MYO9A: variants seen among roughly 807,000 people sequenced by gnomAD.
MYO9A encodes myosin IXA.
A neutral mutation model predicts 293.3 loss-of-function variants in MYO9A; 103 were observed. That is an observed-to-expected ratio of 0.35 (90% confidence interval 0.30 to 0.41). The LOEUF (loss-of-function observed/expected upper bound fraction) is 0.41. MYO9A is among the 10% of genes least tolerant of loss of function. The pLI is 1.00. For synonymous variants in MYO9A, 1,001 were observed against 1,035.7 expected (o/e 0.97, Z 0.64); for missense variants, 2,685 against 3,033.0 (o/e 0.89, Z 2.69).
rs1416208958 is a variant in MYO9A at position 72,010,241 on chromosome 15, T to C, written c.1253+109A>G. The C allele has an allele frequency of 3.9e-6, 3 of 776,958 alleles. No homozygotes were observed. In the African/African-American group the frequency reaches 5.2e-5, roughly 14 times the overall value. 48.1% of individuals were successfully genotyped at this position (776,958 alleles called of 1,614,324 possible). ...TGCTCGAGATGGATGAGGTACTAGA[T>C]GAAGAATACCACTTAGAAAACTATT... On this transcript the variant is annotated intron_variant, in intron 7 of 41. Coordinates refer to ENST00000356056, the MANE Select transcript of MYO9A (RefSeq NM_006901.4).
chr15:71,850,321 T>C (rs1408247462), intron 37 of MYO9A, among the ~76,000 whole-genome samples, 154 bp from the exon 38 acceptor site: 1 of 152,160 alleles, frequency 6.6e-6, no homozygotes, highest in Non-Finnish European at 1.5e-5. Flanking sequence ...TCTGCAGACT[T>C]TTCCCAAGTT....
chr15:71,846,592 A>G (rs932097762), intron 39 of MYO9A, among the ~76,000 whole-genome samples: 12 of 152,212 alleles, frequency 7.9e-5, no homozygotes, highest in African/African-American at 2.4e-4. Flanking sequence ...AAGGTAACTG[A>G]TATCTAATGG....
chr15:71,956,330 A>ATATATATATATATATATATATATAT (rs1555490831), intron 14 of MYO9A, among the ~76,000 whole-genome samples: 6 of 75,580 alleles, frequency 7.9e-5, no homozygotes, highest in South Asian at 9.8e-4. Flanking sequence ...AAAAAAAAAA[A>ATATATATATATATATATATATATAT]ATATATATAT....
intron 10 of MYO9A, among the ~76,000 whole-genome samples, chr15:71,992,245 A>C (rs1009330614): frequency 1.3e-5 from 2 of 152,212 alleles, no homozygotes; most frequent in African/African-American, 4.8e-5. Context: ...ATAAATGCTT[A>C]TATTCTTCTA....
chr15:71,997,759 A>C (rs2076740341), intron 9 of MYO9A, among the ~76,000 whole-genome samples: 1 of 152,146 alleles, frequency 6.6e-6, no homozygotes, highest in Non-Finnish European at 1.5e-5. Context: ...GCAAATCAAA[A>C]CCACAATGAG....
At chr15:71,949,064 G>A (rs1160203647) in intron 15 of MYO9A, among the ~76,000 whole-genome samples, 1 of 151,970 alleles carries the variant, frequency 6.6e-6, no homozygotes, top group East Asian at 1.9e-4. Flanking sequence ...TATTTAATAT[G>A]TGTATCTTTT....
At chr15:72,045,315 G>A in intron 2 of MYO9A, 1 of 153,224 alleles carries the variant, frequency 6.5e-6, no homozygotes, top group Middle Eastern at 3.4e-3. Context: ...CCAGGCTAGA[G>A]TGCAATGGCA....
chr15:71,903,768 AGTAAATAC>A (rs1190895507), intron 21 of MYO9A, among the ~76,000 whole-genome samples, 153 bp downstream of exon 21: 1 of 152,256 alleles, frequency 6.6e-6, no homozygotes, highest in Non-Finnish European at 1.5e-5. Flanking sequence ...ATTCAATCAA[AGTAAATAC>A]TGTCTATCCC....
chr15:71,902,845 T>A, intron 22 of MYO9A, 96 bp downstream of exon 22: 1 of 988,106 alleles, frequency 1.0e-6, no homozygotes, highest in Non-Finnish European at 1.4e-6. Context: ...GATATCTGAT[T>A]CACTATCTTT....
intron 18 of MYO9A, among the ~76,000 whole-genome samples, chr15:71,931,889 T>C (rs949250999): frequency 7.2e-5 from 11 of 152,134 alleles, no homozygotes; most frequent in African/African-American, 1.9e-4. Context: ...TCTCAAACCT[T>C]TGTGTTTGTC....
At chr15:72,065,851 A>G (rs930665491) in intron 1 of MYO9A, among the ~76,000 whole-genome samples, 1 of 152,214 alleles carries the variant, frequency 6.6e-6, no homozygotes, top group Non-Finnish European at 1.5e-5. Context: ...ATAAAATTCA[A>G]CATCTGTAGT....
chr15:72,023,709 A>G (rs192573407), intron 4 of MYO9A, among the ~76,000 whole-genome samples: 2,202 of 151,144 alleles, frequency 0.015, 53 homozygotes, highest in African/African-American at 0.05. Flanking sequence ...AAAAAAAAAA[A>G]AAAAGAAAAG....
chr15:71,912,534 G>A (rs144654877), intron 19 of MYO9A, among the ~76,000 whole-genome samples: 2,376 of 152,306 alleles, frequency 0.016, 33 homozygotes, highest in Non-Finnish European at 0.025. Flanking sequence ...GGGATTGCAG[G>A]TGTGAGCCAC....
intron 1 of MYO9A, among the ~76,000 whole-genome samples, chr15:72,061,581 C>A (rs2078880015): frequency 6.6e-6 from 1 of 151,550 alleles, no homozygotes; most frequent in Non-Finnish European, 1.5e-5. Flanking sequence ...GAGGTGGTAG[C>A]CACAGGGAGA....
At chr15:71,899,543 G>GT (rs1567245489) in intron 24 of MYO9A, 144 bp downstream of exon 24, 2 of 684,254 alleles carry the variant, frequency 2.9e-6, no homozygotes, top group African/African-American at 3.6e-5. Context: ...TACAATGTGG[G>GT]TTAAAATCGG....
chr15:72,019,082 G>T lies in MYO9A; in HGVS notation c.1112C>A (p.Pro371His), dbSNP rs1333615629. ...YHYLNQITKK[P>H]LRQSWDDYCY... ...ATAATCATCCCAGCTCTGTCTGAGG[G>T]GTTTCTTTGTTATCTGAAAGTAAGG... The change falls in exon 6 of 42, where the codon CCC becomes CAC. Residue 371 changes from proline (P) to histidine (H), a missense_variant. This residue lies in a region of MYO9A where 289 missense variants were observed against 456.8 expected (regional missense o/e 0.63). Transcript: ENST00000356056. 1.2e-6 allele frequency: 2 copies of T among 1,613,572 alleles called. No homozygotes were observed. The highest frequency in any genetic ancestry group is 1.7e-4 in the Middle Eastern group (1 of 6,054).
At chr15:71,885,643 TAAC>T (rs1167365737) in intron 27 of MYO9A, among the ~76,000 whole-genome samples, 1 of 152,172 alleles carries the variant, frequency 6.6e-6, no homozygotes, top group Non-Finnish European at 1.5e-5. Context: ...TTTTGTTTCA[TAAC>T]AACATGTCTT....
intron 1 of MYO9A, among the ~76,000 whole-genome samples, chr15:72,072,594 G>A (rs890847264): frequency 6.6e-6 from 1 of 152,160 alleles, no homozygotes; most frequent in African/African-American, 2.4e-5. Context: ...ATGAAATCAT[G>A]TCCTTTGCAG....
intron 18 of MYO9A, among the ~76,000 whole-genome samples, chr15:71,927,889 G>C (rs907118640): frequency 1.3e-5 from 2 of 149,714 alleles, no homozygotes; most frequent in African/African-American, 4.9e-5. Context: ...TTTACTCATT[G>C]TGTGTCCTTG....
Sources: gnomAD v4.1 joint callset for allele counts (sites outside exome capture counted in the v4.1 genomes callset) on GRCh38, gnomAD v4.1.1 for gene constraint, gnomAD v4.1.1 regional missense constraint, MANE v1.5 for transcripts, NCBI Gene and HGNC (gene_info 2026-07-23, HGNC 2026-07-21) for gene names.